AGAP3: variants seen among roughly 807,000 people sequenced by gnomAD.
AGAP3 encodes ArfGAP with GTPase domain, ankyrin repeat and PH domain 3, also known as arf-GAP with GTPase, ANK repeat and PH domain-containing protein 3.
Under a neutral mutation model 96.9 loss-of-function variants are expected in AGAP3, and 24 were observed. The ratio of observed to expected loss-of-function variants is 0.25; its 90% CI spans 0.18 to 0.35. AGAP3 has a LOEUF of 0.35. AGAP3 is among the 10% of genes least tolerant of loss of function. The pLI is 1.00. For missense variants in AGAP3, 876 were observed against 1,254.2 expected (o/e 0.70, Z 4.55); for synonymous variants, 563 against 536.1 (o/e 1.05, Z -0.69).
intron 9 of AGAP3, among the ~76,000 whole-genome samples, chr7:151,125,915 C>G (rs1476301150): frequency 6.6e-6 from 1 of 152,244 alleles, no homozygotes; most frequent in Non-Finnish European, 1.5e-5. Context: ...CCATTCCGCC[C>G]CAGATTGCTT....
chr7:151,122,237 C>T (rs995636308), intron 8 of AGAP3, among the ~76,000 whole-genome samples: 1 of 152,228 alleles, frequency 6.6e-6, no homozygotes, highest in Admixed American at 6.5e-5. Context: ...GGCCGTGGAG[C>T]CCAGGAGGGG....
chr7:151,104,142 C>T (rs1157350470), intron 1 of AGAP3, among the ~76,000 whole-genome samples: 2 of 152,142 alleles, frequency 1.3e-5, no homozygotes, highest in Non-Finnish European at 2.9e-5. Context: ...ATGGTTTTAG[C>T]GTCCATCAAT....
chr7:151,113,145 G>C (rs1799372120), intron 1 of AGAP3, among the ~76,000 whole-genome samples: 1 of 152,196 alleles, frequency 6.6e-6, no homozygotes, highest in Non-Finnish European at 1.5e-5. Context: ...GATACACGTA[G>C]ATAGGGAAGT....
In AGAP3 at chr7:151,114,973, CG is replaced by C. The variant is rs1799480278; in HGVS notation, c.332-1819del. ...GTGTGCTCGGGCGGCCCGGAGCCGC[CG>C]CCCACCGGCGCCCGCGGCCTTTTGC... is the stretch of plus-strand genomic sequence containing the variant. On this transcript the variant is annotated intron_variant, in intron 1 of 17. Coordinates refer to ENST00000397238, the MANE Select transcript of AGAP3 (RefSeq NM_031946.7). This position sits in a 1 kb window ranked among gnomAD's most constrained non-coding sequence, Gnocchi z 4.4. The C allele has an allele frequency of 1.0e-6, 1 of 982,654 alleles. No individual in the cohort carries two copies. 60.9% of individuals were successfully genotyped at this position (982,654 alleles called of 1,614,324 possible).
At chr7:151,087,822 C>T (rs1343432578) in intron 1 of AGAP3, among the ~76,000 whole-genome samples, 1 of 152,276 alleles carries the variant, frequency 6.6e-6, no homozygotes, top group East Asian at 1.9e-4. Flanking sequence ...CCCTTAGGCC[C>T]TGGACTTTCG....
intron 1 of AGAP3, among the ~76,000 whole-genome samples, chr7:151,112,413 G>A (rs1375014071): frequency 6.6e-6 from 1 of 151,150 alleles, no homozygotes; most frequent in African/African-American, 2.4e-5. Context: ...GTGTGTGTGT[G>A]TGTGTGTGTG....
At chr7:151,117,835 T>TG in intron 5 of AGAP3, 58 bp downstream of exon 5, 1 of 1,555,114 alleles carries the variant, frequency 6.4e-7, no homozygotes, top group African/African-American at 1.4e-5. Context: ...CAACGATGCA[T>TG]GGGGGCAGGG....
At position 151,118,483 on chromosome 7, in the gene AGAP3, T is replaced by C. The variant is rs376200094; in HGVS notation, c.842-22T>C. 10 of 1,613,660 alleles carry C rather than the reference T, an allele frequency of 6.2e-6. No individual in the cohort carries two copies. In the African/African-American group the frequency reaches 1.2e-4, roughly 19 times the overall value. On this transcript the variant is annotated intron_variant, in intron 6 of 17. Coordinates refer to ENST00000397238, the MANE Select transcript of AGAP3 (RefSeq NM_031946.7). The surrounding 1 kb of genome is among the most constrained non-coding windows in gnomAD (Gnocchi z 6.1). The stretch of plus-strand genomic sequence containing the variant: ...TTTCCCTTCTCTCCAGTGGGTATAA[T>C]TGACTCTGCTGTCCCCTGCAGTGGC...
chr7:151,122,231 G>T (rs551733094), intron 8 of AGAP3, among the ~76,000 whole-genome samples: 14 of 152,252 alleles, frequency 9.2e-5, no homozygotes, highest in Non-Finnish European at 1.9e-4. Context: ...GGTCTGGGCC[G>T]TGGAGCCCAG....
At chr7:151,102,367 CTTTGTG>C (rs1173455761) in intron 1 of AGAP3, among the ~76,000 whole-genome samples, 1 of 152,166 alleles carries the variant, frequency 6.6e-6, no homozygotes, top group Non-Finnish European at 1.5e-5. Flanking sequence ...CACTCCAGCA[CTTTGTG>C]TTTGTGCTGC....
At position 151,118,150 on chromosome 7, in the gene AGAP3, C is replaced by T. The variant is rs1799685486; in HGVS notation, c.707-60C>T. 2 of 1,554,880 alleles carry T rather than the reference C, an allele frequency of 1.3e-6. No homozygotes were observed. The highest frequency in any genetic ancestry group is 1.4e-5 in the African/African-American group (1 of 73,460). ...ACCTGCCCTTGGGCCAAATGCCCCC[C>T]ACCACACTACCCCAGCTTCTCCGAA... On this transcript the variant is annotated intron_variant, in intron 5 of 17. Transcript: ENST00000397238. This position sits in a 1 kb window ranked among gnomAD's most constrained non-coding sequence, Gnocchi z 6.1.
chr7:151,100,892 C>A, intron 1 of AGAP3, among the ~76,000 whole-genome samples: 1 of 152,196 alleles, frequency 6.6e-6, no homozygotes, highest in East Asian at 1.9e-4. Flanking sequence ...TCTGTCAGGA[C>A]TCCTTGCCCC....
At chr7:151,120,529 C>T (rs1282737193) in intron 8 of AGAP3, 10 of 867,574 alleles carry the variant, frequency 1.2e-5, no homozygotes, top group Non-Finnish European at 1.7e-5. Context: ...GCTAATGAAC[C>T]GGCGGCCGGA....
intron 8 of AGAP3, chr7:151,123,446 C>CG (rs997870392): frequency 1.8e-6 from 2 of 1,138,276 alleles, no homozygotes; most frequent in African/African-American, 3.2e-5. Flanking sequence ...TCCCGGTTGT[C>CG]GCGCCCTGTG....
rs571234716 is a variant in AGAP3 at position 151,118,924 on chromosome 7, C to T, written c.969+292C>T. On this transcript the variant is annotated intron_variant, in intron 7 of 17. Coordinates refer to ENST00000397238, the MANE Select transcript of AGAP3 (RefSeq NM_031946.7). This position sits in a 1 kb window ranked among gnomAD's most constrained non-coding sequence, Gnocchi z 6.1. ...ACCCCGATGCCCTCTGCTGAAAGTC[C>T]TGGGCCATCCACAGGTGGCATGGTC... is the stretch of plus-strand genomic sequence containing the variant. 6.6e-6 allele frequency among the ~76,000 whole-genome samples: 1 copy of T among 152,340 alleles called. No individual in the cohort carries two copies. The highest frequency in any genetic ancestry group is 1.5e-5 in the Non-Finnish European group (1 of 68,034).
At chr7:151,122,510 G>A (rs1010414398) in intron 8 of AGAP3, among the ~76,000 whole-genome samples, 20 of 151,666 alleles carry the variant, frequency 1.3e-4, no homozygotes, top group Non-Finnish European at 2.9e-4. Flanking sequence ...GCCGCCCGCC[G>A]CCGCCGCCGC....
chr7:151,138,282 C>T lies in AGAP3; in HGVS notation c.1635C>T (p.Thr545=). The T allele has an allele frequency of 6.2e-7, 1 of 1,612,670 alleles. No homozygotes were observed. The highest frequency in any genetic ancestry group is 8.5e-7 in the Non-Finnish European group (1 of 1,179,636). ...GCGCCGACCAGTGGAGTGAGGCCAC[C>T]ACTTCCCTGCCCCCAGGCATGCAGC... ...VSSADQWSEA[T]TSLPPGMQHP... is the part of the protein sequence containing the mutation. Residue 545 remains threonine, a synonymous_variant, in exon 12 of 18, where the codon ACC becomes ACT. Transcript: ENST00000397238.
rs774405907 is a variant in AGAP3 at position 151,143,569 on chromosome 7, C to T, written c.2502C>T (p.Asn834=). 2.4e-5 allele frequency: 38 copies of T among 1,607,528 alleles called. No individual in the cohort carries two copies. The highest frequency in any genetic ancestry group is 1.6e-4 in the Middle Eastern group (1 of 6,066). The change falls in exon 17 of 18, where the codon AAC becomes AAT. Residue 834 remains asparagine (N), a synonymous_variant. Coordinates refer to ENST00000397238, the MANE Select transcript of AGAP3 (RefSeq NM_031946.7). This position sits in a 1 kb window ranked among gnomAD's most constrained non-coding sequence, Gnocchi z 5.9. ...TACATCTCTCCAGTGCCATGGCCAA[C>T]GTTGTCTTCACGCAGCTGCTCATCT... The part of the protein sequence containing the change: ...TALHLSSAMA[N]VVFTQLLIWY...
chr7:151,088,935 C>G (rs1479729399), intron 1 of AGAP3, among the ~76,000 whole-genome samples: 2 of 152,198 alleles, frequency 1.3e-5, no homozygotes, highest in Admixed American at 6.5e-5. Context: ...CCTGGAAGCT[C>G]GGCCTCACCC....
Sources: gnomAD v4.1 joint callset for allele counts (sites outside exome capture counted in the v4.1 genomes callset) on GRCh38, gnomAD v4.1.1 for gene constraint, Gnocchi (gnomAD v3.1) non-coding constraint, MANE v1.5 for transcripts, NCBI Gene and HGNC (gene_info 2026-07-23, HGNC 2026-07-21) for gene names.